CADM1: variants seen among roughly 807,000 people sequenced by gnomAD.
CADM1 encodes TSLC-1.
A neutral mutation model predicts 53.1 loss-of-function variants in CADM1; 15 were observed. The observed-to-expected ratio is 0.28, with a 90% CI of 0.19 to 0.44. CADM1 has a LOEUF of 0.44. CADM1 is among the 20% of genes least tolerant of loss of function. CADM1 has a pLI of 1.00. For synonymous variants in CADM1, 281 were observed against 243.0 expected (o/e 1.16, Z -1.45); for missense variants, 434 against 611.3 (o/e 0.71, Z 3.06).
intron 1 of CADM1, among the ~76,000 whole-genome samples, chr11:115,454,201 T>TA (rs958691885): frequency 1.1e-4 from 16 of 151,526 alleles, no homozygotes; most frequent in Middle Eastern, 3.4e-3. Context: ...TCTTGCAGCA[T>TA]AAAAAAAAAG....
At chr11:115,366,623 G>C (rs1946166348) in intron 1 of CADM1, among the ~76,000 whole-genome samples, 1 of 152,144 alleles carries the variant, frequency 6.6e-6, no homozygotes, top group Non-Finnish European at 1.5e-5. Flanking sequence ...TGGCACTAGA[G>C]AAAGGAAGAG....
intron 1 of CADM1, among the ~76,000 whole-genome samples, chr11:115,259,616 T>G (rs1177805932): frequency 6.6e-6 from 1 of 152,098 alleles, no homozygotes; most frequent in Non-Finnish European, 1.5e-5. Flanking sequence ...AACTTTTTGT[T>G]TTTTTTAAAG....
chr11:115,310,260 C>G (rs907822648), intron 1 of CADM1, among the ~76,000 whole-genome samples: 10 of 152,090 alleles, frequency 6.6e-5, no homozygotes, highest in Non-Finnish European at 1.3e-4. Context: ...ATCATCATGA[C>G]AGTTTTTAAT....
At chr11:115,375,234 T>C (rs141677407) in intron 1 of CADM1, among the ~76,000 whole-genome samples, 1 of 152,194 alleles carries the variant, frequency 6.6e-6, no homozygotes, top group Non-Finnish European at 1.5e-5. Context: ...TCTGCTTTTG[T>C]GTGTTTGACA....
chr11:115,341,319 G>A (rs1438771971), intron 1 of CADM1, among the ~76,000 whole-genome samples: 1 of 152,110 alleles, frequency 6.6e-6, no homozygotes, highest in Non-Finnish European at 1.5e-5. Flanking sequence ...CTCCTCATGA[G>A]CTACAATGAA....
intron 5 of CADM1, among the ~76,000 whole-genome samples, chr11:115,223,948 G>A (rs546231899): frequency 4.4e-5 from 5 of 114,068 alleles, no homozygotes; most frequent in East Asian, 2.9e-4. Context: ...GAGGAAGAGC[G>A]TATTCCGTTT....
chr11:115,192,972 T>C (rs1272894288), intron 9 of CADM1, among the ~76,000 whole-genome samples: 2 of 152,194 alleles, frequency 1.3e-5, no homozygotes, highest in Non-Finnish European at 2.9e-5. Context: ...TGTAGCACTA[T>C]TATATTGTGT....
intron 1 of CADM1, among the ~76,000 whole-genome samples, chr11:115,286,023 A>C (rs1374444177): frequency 1.3e-5 from 2 of 152,246 alleles, no homozygotes; most frequent in African/African-American, 4.8e-5. Context: ...ATATACTCAA[A>C]GGCCACAGAC....
chr11:115,394,699 C>A (rs1267991765), intron 1 of CADM1, among the ~76,000 whole-genome samples: 2 of 152,112 alleles, frequency 1.3e-5, no homozygotes, highest in African/African-American at 4.8e-5. Context: ...TAGTGTGGAA[C>A]CCAATGTCAA....
chr11:115,320,421 A>G (rs1944792762), intron 1 of CADM1, among the ~76,000 whole-genome samples: 1 of 152,118 alleles, frequency 6.6e-6, no homozygotes, highest in African/African-American at 2.4e-5. Flanking sequence ...AATACCAATG[A>G]TTTTGCAGTA....
chr11:115,269,224 C>T (rs548803805), intron 1 of CADM1, among the ~76,000 whole-genome samples: 1 of 152,226 alleles, frequency 6.6e-6, no homozygotes, highest in South Asian at 2.1e-4. Context: ...ACACACATGG[C>T]AGGATAGAGG....
chr11:115,267,680 T>TC (rs1361746857), intron 1 of CADM1, among the ~76,000 whole-genome samples: 2 of 93,584 alleles, frequency 2.1e-5, no homozygotes, highest in Non-Finnish European at 3.6e-5. Context: ...ATTGCTTTCT[T>TC]TTTTTTTTTT....
chr11:115,470,974 G>A (rs192188694), intron 1 of CADM1, among the ~76,000 whole-genome samples: 1 of 152,308 alleles, frequency 6.6e-6, no homozygotes, highest in East Asian at 1.9e-4. Context: ...CGTGTCAGCA[G>A]AGGTGCCCCA....
intron 1 of CADM1, among the ~76,000 whole-genome samples, chr11:115,489,672 C>T (rs924269053): frequency 9.2e-5 from 14 of 152,086 alleles, no homozygotes; most frequent in African/African-American, 3.4e-4. Flanking sequence ...AAATGTGTAG[C>T]GGGCATATAG....
At chr11:115,474,367 A>G (rs1949082760) in intron 1 of CADM1, among the ~76,000 whole-genome samples, 1 of 151,916 alleles carries the variant, frequency 6.6e-6, no homozygotes, top group African/African-American at 2.4e-5. Flanking sequence ...TCATATCGCA[A>G]ATAAGCATGT....
At chr11:115,212,435 G>T (rs78738845) in intron 7 of CADM1, among the ~76,000 whole-genome samples, 1 of 152,148 alleles carries the variant, frequency 6.6e-6, no homozygotes, top group African/African-American at 2.4e-5. Context: ...ATTGTTACTA[G>T]GACTGATTAG....
chr11:115,349,986 T>C (rs944300475), intron 1 of CADM1, among the ~76,000 whole-genome samples: 2 of 152,196 alleles, frequency 1.3e-5, no homozygotes, highest in African/African-American at 4.8e-5. Flanking sequence ...TTTTTGTTTT[T>C]TTGAGATGGA....
intron 2 of CADM1, 101 bp from the exon 3 acceptor site, chr11:115,238,753 C>T (rs749967370): frequency 7.7e-7 from 1 of 1,295,662 alleles, no homozygotes; most frequent in Non-Finnish European, 1.1e-6. Context: ...TACTTCTTGA[C>T]TTACTATTTT....
At chr11:115,350,122 C>A (rs1462615179) in intron 1 of CADM1, among the ~76,000 whole-genome samples, 1 of 152,128 alleles carries the variant, frequency 6.6e-6, no homozygotes, top group African/African-American at 2.4e-5. Context: ...GAGGCATGTG[C>A]CACCATGACT....
Sources: gnomAD v4.1 joint callset for allele counts (sites outside exome capture counted in the v4.1 genomes callset) on GRCh38, gnomAD v4.1.1 for gene constraint, MANE v1.5 for transcripts, NCBI Gene and HGNC (gene_info 2026-07-23, HGNC 2026-07-21) for gene names.